The following TMEM74 variants were observed in gnomAD, a reference collection of about 807,000 sequenced individuals.
TMEM74 encodes transmembrane protein 74.
Under a neutral mutation model 18.1 loss-of-function variants are expected in TMEM74, and 13 were observed. The ratio of observed to expected loss-of-function variants is 0.72; its 90% CI spans 0.47 to 1.14. The LOEUF (loss-of-function observed/expected upper bound fraction) is 1.14. Among genes scored for constraint, TMEM74 ranks in the 50% most tolerant of loss-of-function variants. The pLI is 0.00. For missense variants in TMEM74, 372 were observed against 375.9 expected (o/e 0.99, Z 0.09); for synonymous variants, 159 against 146.6 (o/e 1.08, Z -0.61).
intron 1 of TMEM74, among the ~76,000 whole-genome samples, chr8:108,662,944 T>C (rs1206836121): frequency 6.6e-6 from 1 of 152,176 alleles, no homozygotes; most frequent in Non-Finnish European, 1.5e-5. Context: ...CCTTGTAGTA[T>C]AGTTTGAAGT....
At chr8:108,629,116 A>C (rs543106532) in intron 2 of TMEM74, among the ~76,000 whole-genome samples, 11 of 152,104 alleles carry the variant, frequency 7.2e-5, no homozygotes. Context: ...TAACTAGAAT[A>C]ACCAGTTTAG....
At chr8:108,719,106 G>C (rs1047895131) in intron 1 of TMEM74, among the ~76,000 whole-genome samples, 1 of 151,916 alleles carries the variant, frequency 6.6e-6, no homozygotes, top group Admixed American at 6.6e-5. Flanking sequence ...AATTAGAGTA[G>C]AGCAGTTTTT....
At chr8:108,742,069 T>A (rs943472115) in intron 1 of TMEM74, among the ~76,000 whole-genome samples, 1 of 152,132 alleles carries the variant, frequency 6.6e-6, no homozygotes, top group Admixed American at 6.6e-5. Context: ...TACTGCATGT[T>A]CTCCCTTCTA....
chr8:108,780,202 C>T lies in TMEM74; in HGVS notation c.*3979G>A, dbSNP rs1214450142. On this transcript the variant is annotated 3_prime_UTR_variant, in exon 2 of 2. Coordinates refer to ENST00000297459, the MANE Select transcript of TMEM74 (RefSeq NM_153015.3). ...GTTGTGAATCTTTTTTGTCAGACCA[C>T]GTTTTTTTGATGGCATTAATTGCTG... is the stretch of plus-strand genomic sequence containing the variant. Among the ~76,000 whole-genome samples, 2 of 152,138 alleles carry T rather than the reference C, an allele frequency of 1.3e-5. No individual in the cohort carries two copies. Among genetic ancestry groups the T allele is most frequent in the East Asian group, 3.8e-4 (2 of 5,198 alleles).
chr8:108,656,068 C>T (rs1812818599), intron 1 of TMEM74, among the ~76,000 whole-genome samples: 1 of 152,134 alleles, frequency 6.6e-6, no homozygotes. Flanking sequence ...CCTCACTCCT[C>T]TTTTCATTCA....
At chr8:108,689,589 C>A (rs1165219898) in intron 1 of TMEM74, among the ~76,000 whole-genome samples, 1 of 152,154 alleles carries the variant, frequency 6.6e-6, no homozygotes, top group African/African-American at 2.4e-5. Flanking sequence ...AATATAAGAG[C>A]CAAGACATGG....
chr8:108,738,523 G>A (rs1340512916), intron 1 of TMEM74, among the ~76,000 whole-genome samples: 1 of 152,096 alleles, frequency 6.6e-6, no homozygotes, highest in African/African-American at 2.4e-5. Flanking sequence ...GCTTTACCTT[G>A]TTGATATAGG....
intron 1 of TMEM74, among the ~76,000 whole-genome samples, chr8:108,787,120 G>A (rs1169554760): frequency 1.3e-5 from 2 of 152,090 alleles, no homozygotes; most frequent in Non-Finnish European, 2.9e-5. Context: ...AAAGCGAGGG[G>A]ACACGCACTT....
intron 1 of TMEM74, among the ~76,000 whole-genome samples, chr8:108,745,980 C>T (rs1813845050): frequency 6.6e-6 from 1 of 152,132 alleles, no homozygotes; most frequent in Non-Finnish European, 1.5e-5. Context: ...CACGCACCCC[C>T]TTAGAGTTGT....
At chr8:108,652,810 T>C (rs766765964) in intron 2 of TMEM74, 6 of 528,408 alleles carry the variant, frequency 1.1e-5, no homozygotes, top group Non-Finnish European at 2.2e-5. Flanking sequence ...AAGAAGGAAT[T>C]GAGTAGACTG....
chr8:108,697,705 A>G (rs2130612473), intron 1 of TMEM74, among the ~76,000 whole-genome samples: 1 of 152,318 alleles, frequency 6.6e-6, no homozygotes, highest in African/African-American at 2.4e-5. Flanking sequence ...TCCCCAGCCA[A>G]TTCCTTCTTA....
chr8:108,695,304 A>G (rs1046129917), intron 1 of TMEM74, among the ~76,000 whole-genome samples: 2 of 152,182 alleles, frequency 1.3e-5, no homozygotes, highest in African/African-American at 4.8e-5. Flanking sequence ...TGCAATGCAA[A>G]TTTCGAACAC....
intron 1 of TMEM74, among the ~76,000 whole-genome samples, chr8:108,723,825 T>G (rs1813608595): frequency 6.6e-6 from 1 of 152,182 alleles, no homozygotes; most frequent in Non-Finnish European, 1.5e-5. Context: ...AAGAAAAAGA[T>G]GATGTAGTTT....
chr8:108,785,101 G>C lies in TMEM74; in HGVS notation c.-3C>G. 1.3e-6 allele frequency: 2 copies of C among 1,580,366 alleles called. No homozygotes were observed. The highest frequency in any genetic ancestry group is 1.7e-6 in the Non-Finnish European group (2 of 1,165,648). On this transcript the variant is annotated 5_prime_UTR_variant, in exon 2 of 2. Transcript: ENST00000297459. ...TTAGCAAGGTAGTGGAGCTCCATGA[G>C]AGCTAGTCAGACATCCCCCAGCAGC...
intron 2 of TMEM74, among the ~76,000 whole-genome samples, chr8:108,654,805 C>T (rs1302170909): frequency 6.6e-6 from 1 of 151,876 alleles, no homozygotes; most frequent in Non-Finnish European, 1.5e-5. Flanking sequence ...CCAAGCCCTA[C>T]TCCCTCCAGG....
chr8:108,621,575 G>T (rs889522977), intron 2 of TMEM74, among the ~76,000 whole-genome samples: 10 of 152,150 alleles, frequency 6.6e-5, no homozygotes, highest in African/African-American at 2.2e-4. Flanking sequence ...GTTACACAGG[G>T]TTCTATGATG....
At chr8:108,635,063 T>C (rs1225910808) in intron 2 of TMEM74, among the ~76,000 whole-genome samples, 1 of 151,910 alleles carries the variant, frequency 6.6e-6, no homozygotes, top group African/African-American at 2.4e-5. Flanking sequence ...CTGCCACAAT[T>C]TCAAATGTAT....
intron 2 of TMEM74, chr8:108,652,867 C>A: frequency 1.9e-6 from 1 of 515,054 alleles, no homozygotes; most frequent in Non-Finnish European, 3.8e-6. Flanking sequence ...ATCTAATAGG[C>A]CATTTTGGAT....
chr8:108,689,870 C>T (rs893637639), intron 1 of TMEM74, among the ~76,000 whole-genome samples: 2 of 152,074 alleles, frequency 1.3e-5, no homozygotes, highest in African/African-American at 4.8e-5. Flanking sequence ...CCACTTCACC[C>T]CCTCCTCTCC....
Sources: allele counts gnomAD v4.1 joint callset (sites outside exome capture counted in the v4.1 genomes callset), GRCh38; gene constraint gnomAD v4.1.1; transcripts MANE v1.5; gene names NCBI Gene and HGNC (gene_info 2026-07-23, HGNC 2026-07-21).